The following SEC14L1 variants were observed in gnomAD, a reference collection of about 807,000 sequenced individuals.
SEC14L1 encodes the protein SEC14 like lipid binding 1.
Under a neutral mutation model 85.3 loss-of-function variants are expected in SEC14L1, and 48 were observed. That is an observed-to-expected ratio of 0.56 (90% CI 0.45 to 0.72). SEC14L1 has a LOEUF of 0.72. Ranked by LOEUF, SEC14L1 falls within the 30% of genes least tolerant of loss-of-function variation. SEC14L1 has a pLI of 0.00. For missense variants in SEC14L1, 682 were observed against 921.4 expected (o/e 0.74, Z 3.36); for synonymous variants, 391 against 355.5 (o/e 1.10, Z -1.12).
At chr17:77,196,513 TC>T (rs1404939600) in intron 8 of SEC14L1, among the ~76,000 whole-genome samples, 1 of 152,258 alleles carries the variant, frequency 6.6e-6, no homozygotes, top group African/African-American at 2.4e-5. Context: ...ACTGCATTTT[TC>T]TAGACTTTAC....
chr17:77,195,065 G>A (rs111632768), intron 7 of SEC14L1, 154 bp downstream of exon 7: 7 of 605,170 alleles, frequency 1.2e-5, no homozygotes, highest in South Asian at 4.1e-5. Context: ...TTGTCCTCTC[G>A]CTTATGTAAT....
chr17:77,162,319 G>T (rs192006745), intron 3 of SEC14L1, among the ~76,000 whole-genome samples: 88 of 152,310 alleles, frequency 5.8e-4, no homozygotes, highest in Non-Finnish European at 9.4e-4. Context: ...TGTGGCTCAA[G>T]TATTTTTAAA....
chr17:77,151,232 C>A (rs1391397502), intron 3 of SEC14L1, among the ~76,000 whole-genome samples: 3 of 152,080 alleles, frequency 2.0e-5, no homozygotes, highest in Non-Finnish European at 4.4e-5. Flanking sequence ...TATAAAAGGA[C>A]CTGGTCAATC....
In SEC14L1 at chr17:77,216,472, C is replaced by T. The variant is rs912947941; in HGVS notation, c.*2449C>T. The T allele has an allele frequency of 6.2e-6, 10 of 1,611,942 alleles. 1 individual carries two copies. The highest frequency in any genetic ancestry group is 1.7e-4 in the Middle Eastern group (1 of 6,036). On this transcript the variant is annotated 3_prime_UTR_variant, in exon 17 of 17. Coordinates refer to ENST00000436233, the MANE Select transcript of SEC14L1 (RefSeq NM_001143998.2). Reference sequence around the variant, plus strand: ...TAGTAGCGCGTCTGTGCTGCTTCCACCTGGTGCTTCCTGTTCCCAAATCAC... The same window carrying T: ...TAGTAGCGCGTCTGTGCTGCTTCCATCTGGTGCTTCCTGTTCCCAAATCAC...
rs1333227199 is a variant in SEC14L1, at chr17:77,206,971, G to C, written c.1476+109G>C. ...GAACTTCCAGTTGTTTGGATGTTTTGTTTTTGTTTTGTTTCTTTTGGCCGC... is the reference window on the plus strand; with the variant it reads ...GAACTTCCAGTTGTTTGGATGTTTTCTTTTTGTTTTGTTTCTTTTGGCCGC... On this transcript the variant is annotated intron_variant, in intron 13 of 16. Coordinates refer to ENST00000436233, the MANE Select transcript of SEC14L1 (RefSeq NM_001143998.2). This position sits in a 1 kb window ranked among gnomAD's most constrained non-coding sequence, Gnocchi z 4.3. The C allele has an allele frequency of 1.3e-5, 16 of 1,234,064 alleles. No homozygotes were observed. Among genetic ancestry groups the C allele is most frequent in the Middle Eastern group, 2.1e-4 (1 of 4,858 alleles). 76.4% of individuals were successfully genotyped at this position (1,234,064 alleles called of 1,614,324 possible).
At chr17:77,140,896 C>T (rs1198570900), upstream of SEC14L1, 1 of 150,588 alleles carries the variant, frequency 6.6e-6, no homozygotes, top group Non-Finnish European at 1.5e-5. Context: ...ACGCGCGCCC[C>T]TCCCGGCGCC....
intron 3 of SEC14L1, among the ~76,000 whole-genome samples, chr17:77,152,165 T>C (rs908607776): frequency 2.0e-5 from 3 of 152,132 alleles, no homozygotes; most frequent in African/African-American, 7.2e-5. Flanking sequence ...TTTGAAATTA[T>C]ATTCCTGTTG....
chr17:77,171,926 TTC>T (rs1974538939), intron 3 of SEC14L1, among the ~76,000 whole-genome samples: 1 of 152,210 alleles, frequency 6.6e-6, no homozygotes, highest in African/African-American at 2.4e-5. Flanking sequence ...GGAGGAATTT[TTC>T]TTGGTTAACA....
intron 3 of SEC14L1, among the ~76,000 whole-genome samples, chr17:77,106,043 C>T (rs1971906335): frequency 1.3e-5 from 2 of 151,898 alleles, no homozygotes; most frequent in South Asian, 2.1e-4. Context: ...CTAATTTTGC[C>T]ACGAATCAAG....
chr17:77,116,388 G>A (rs1482137434), intron 3 of SEC14L1, among the ~76,000 whole-genome samples: 3 of 152,136 alleles, frequency 2.0e-5, no homozygotes, highest in African/African-American at 7.2e-5. Flanking sequence ...CCAGAAGAAG[G>A]AGAAATTAAT....
At chr17:77,156,725 G>T (rs541632798) in intron 3 of SEC14L1, among the ~76,000 whole-genome samples, 1 of 151,778 alleles carries the variant, frequency 6.6e-6, no homozygotes, top group Non-Finnish European at 1.5e-5. Context: ...TTGACAAAAG[G>T]TTACATTGGA....
rs76727046 is a variant in SEC14L1 at position 77,103,434 on chromosome 17, GT to G, written c.-136+10097del. The stretch of plus-strand genomic sequence containing the variant: ...AGCCAGATTTTTCTTTTTTGTTGTT[GT>G]TTTTTTTTTGTTGTTGTTTTGTTTT... On this transcript the variant is annotated intron_variant, in intron 3 of 19. Transcript: ENST00000392476. 3.2e-3 allele frequency among the ~76,000 whole-genome samples: 466 copies of G among 144,126 alleles called. 2 individuals carry two copies. The highest frequency in any genetic ancestry group is 0.011 in the African/African-American group (426 of 39,374). The allele number at this position is 144,126 out of a possible 152,430, so 94.6% of individuals were successfully genotyped here.
chr17:77,131,982 G>A (rs1167040335), intron 3 of SEC14L1, among the ~76,000 whole-genome samples: 2 of 152,170 alleles, frequency 1.3e-5, no homozygotes, highest in African/African-American at 2.4e-5. Flanking sequence ...TTCTTGGCCC[G>A]AAGTTTTCCC....
At chr17:77,140,043 A>G (rs144909278), upstream of SEC14L1, among the ~76,000 whole-genome samples, 6 of 152,346 alleles carry the variant, frequency 3.9e-5, no homozygotes, top group Non-Finnish European at 5.9e-5. Context: ...ACGGAACAAC[A>G]GTGACTTTGA....
intron 3 of SEC14L1, among the ~76,000 whole-genome samples, chr17:77,147,161 G>T (rs1001871906): frequency 1.3e-5 from 2 of 152,256 alleles, no homozygotes; most frequent in Admixed American, 1.3e-4. Flanking sequence ...TGTGAGTCCT[G>T]TGAGGTGAGA....
At chr17:77,201,272 A>G (rs1976126763) in intron 9 of SEC14L1, among the ~76,000 whole-genome samples, 1 of 152,140 alleles carries the variant, frequency 6.6e-6, no homozygotes, top group African/African-American at 2.4e-5. Context: ...TCCTGAGCCA[A>G]AGTTTGAGAG....
rs146174571 is a variant in SEC14L1, at chr17:77,212,313, G to T, written c.1863+112G>T. 7.1e-4 allele frequency: 1,028 copies of T among 1,454,716 alleles called. 4 individuals are homozygous for T. The highest frequency in any genetic ancestry group is 4.8e-4 in the Non-Finnish European group (518 of 1,079,588). 90.1% of individuals were successfully genotyped at this position (1,454,716 alleles called of 1,614,324 possible). On this transcript the variant is annotated intron_variant, in intron 15 of 16. Coordinates refer to ENST00000436233, the MANE Select transcript of SEC14L1 (RefSeq NM_001143998.2). ...TTGAGCAGCCCTGTGTAGCTTTTGAGGCCCTGCTTGTGGAGGAGCAGCTTG... is the reference window on the plus strand; with the variant it reads ...TTGAGCAGCCCTGTGTAGCTTTTGATGCCCTGCTTGTGGAGGAGCAGCTTG...
At position 77,213,245 on chromosome 17, in the gene SEC14L1, G is replaced by T. The variant is rs1976857510; in HGVS notation, c.1864-69G>T. The T allele has an allele frequency of 1.5e-6, 2 of 1,370,716 alleles. No homozygotes were observed. The highest frequency in any genetic ancestry group is 3.8e-4 in the Middle Eastern group (2 of 5,254). 84.9% of individuals were successfully genotyped at this position (1,370,716 alleles called of 1,614,324 possible). A position where few individuals can be genotyped will look rare whatever the true frequency, so the allele number is the denominator to read the frequency against. ...CCTAAAGACAGTCCCCTTGGCGCTT[G>T]TCAGGCCTGTGGTAGGCCAGGGGTC... is the stretch of plus-strand genomic sequence containing the variant. On this transcript the variant is annotated intron_variant, in intron 15 of 16. Transcript: ENST00000436233. This position sits in a 1 kb window ranked among gnomAD's most constrained non-coding sequence, Gnocchi z 7.1.
At chr17:77,177,811 A>G (rs1300808323) in intron 3 of SEC14L1, among the ~76,000 whole-genome samples, 1 of 152,130 alleles carries the variant, frequency 6.6e-6, no homozygotes, top group East Asian at 1.9e-4. Context: ...AGAAGCTGTA[A>G]TCCTCTGCTG....
Sources: gnomAD v4.1 joint callset for allele counts (sites outside exome capture counted in the v4.1 genomes callset) on GRCh38, gnomAD v4.1.1 for gene constraint, Gnocchi (gnomAD v3.1) non-coding constraint, MANE v1.5 for transcripts, NCBI Gene and HGNC (gene_info 2026-07-23, HGNC 2026-07-21) for gene names.